The following CHD4 variants were observed in gnomAD, a reference collection of about 807,000 sequenced individuals.
CHD4 encodes ATP-dependent chromatin remodeler CHD4.
Under a neutral mutation model 235.5 loss-of-function variants are expected in CHD4, and 35 were observed. The observed-to-expected ratio is 0.15, with a 90% CI of 0.11 to 0.20. CHD4 has a LOEUF of 0.20. Among genes scored for constraint, CHD4 ranks in the 10% least tolerant of loss-of-function variants. The probability of loss-of-function intolerance (pLI) is 1.00; values close to 1 mark genes in which losing one functional copy is unlikely to be tolerated. For synonymous variants in CHD4, 900 were observed against 850.2 expected, an observed-to-expected ratio of 1.06 and a Z score of -1.02; for missense variants, 1,329 against 2,432.3, an observed-to-expected ratio of 0.55 and a Z score of 9.54.
rs1948216148 is a variant in CHD4, at chr12:6,582,723, C to T, written c.4262G>A (p.Arg1421Gln). 1 of 1,614,034 alleles carries T rather than the reference C, an allele frequency of 6.2e-7. No homozygotes were observed. The highest frequency in any genetic ancestry group is 1.3e-5 in the African/African-American group (1 of 74,920). The change falls in exon 29 of 40, where the codon CGA becomes CAA. Residue 1421 changes from arginine (R) to glutamine (Q), a missense_variant. By Grantham distance (43) the Arg-to-Gln change is conservative. Transcript: ENST00000544040. ...CATAATTGCATTAAGAAAGGCTTTTCGCTGACGAGCATTAAAACCAAGTAC... is the reference window on the plus strand; with the variant it reads ...CATAATTGCATTAAGAAAGGCTTTTTGCTGACGAGCATTAAAACCAAGTAC... ...IEVLGFNARQ[R>Q]KAFLNAIMRY...
intron 37 of CHD4, among the ~76,000 whole-genome samples, chr12:6,575,693 C>T (rs897140111): frequency 1.3e-5 from 2 of 152,132 alleles, no homozygotes; most frequent in African/African-American, 4.8e-5. Context: ...TATCAAAACT[C>T]TGCTCACAAA....
intron 33 of CHD4, among the ~76,000 whole-genome samples, chr12:6,579,788 G>A (rs925443620): frequency 2.7e-5 from 4 of 149,568 alleles, no homozygotes; most frequent in Non-Finnish European, 5.9e-5. Context: ...CAGGCGTGGT[G>A]GCTCACGCCT....
At chr12:6,595,819 G>C in intron 13 of CHD4, among the ~76,000 whole-genome samples, 187 bp downstream of exon 13, 1 of 150,882 alleles carries the variant, frequency 6.6e-6, no homozygotes, top group Middle Eastern at 3.2e-3. Context: ...TCAGCTAGGT[G>C]TGGTGGCGTA....
At chr12:6,606,595 T>A in intron 1 of CHD4, 144 bp from the exon 2 acceptor site, 1 of 426,000 alleles carries the variant, frequency 2.3e-6, no homozygotes, top group East Asian at 4.0e-5. Flanking sequence ...AGTTCCACAC[T>A]CCTCGGGGGC....
In CHD4 at chr12:6,598,211, C is replaced by G; in HGVS notation, c.1686+11G>C. On this transcript the variant is annotated intron_variant, in intron 11 of 39. Coordinates refer to ENST00000544040, the MANE Select transcript of CHD4 (RefSeq NM_001273.5). ...CGTAGCCCCTACATCTCCAGACTAT[C>G]CTAAACTTACCTGCAGTTCAGAAAC... The G allele has an allele frequency of 6.2e-7, 1 of 1,611,522 alleles. No homozygotes were observed. Among genetic ancestry groups the G allele is most frequent in the Non-Finnish European group, 8.5e-7 (1 of 1,178,152 alleles).
intron 25 of CHD4, chr12:6,583,621 G>A (rs868603631): frequency 6.7e-6 from 3 of 445,480 alleles, no homozygotes; most frequent in African/African-American, 4.0e-5. Context: ...TATTATCACA[G>A]GTAAGGATGA....
Position 6,606,471 on chromosome 12 carries a change from G to A in CHD4, c.-78-20C>T, listed in dbSNP as rs1313538009. On this transcript the variant is annotated intron_variant, in intron 1 of 39. Coordinates refer to ENST00000544040, the MANE Select transcript of CHD4 (RefSeq NM_001273.5). ...GAGTCACTGTGCGGGGGAGGGGGGA[G>A]AAACACAGAACAGTCAGTGACGCGC... The A allele has an allele frequency of 1.3e-5, 8 of 635,550 alleles. No individual in the cohort carries two copies. Among genetic ancestry groups the A allele is most frequent in the Admixed American group, 6.9e-5 (2 of 28,826 alleles). 39.4% of individuals were successfully genotyped at this position (635,550 alleles called of 1,614,324 possible).
intron 30 of CHD4, 148 bp downstream of exon 30, chr12:6,581,989 G>A (rs1277731231): frequency 2.7e-5 from 30 of 1,122,210 alleles, no homozygotes; most frequent in Admixed American, 6.4e-5. Context: ...TTTTAGTAGA[G>A]ATGGGGTTTC....
chr12:6,577,952 G>T lies in CHD4; in HGVS notation c.5229-35C>A, dbSNP rs770465075. On this transcript the variant is annotated intron_variant, in intron 36 of 39. Transcript: ENST00000544040. ...AAGTGCTCAGGAAAAACAAAACAAG[G>T]AAAGTAAGAACCTCAAACTAAAAGA... is the stretch of plus-strand genomic sequence containing the variant. 1.9e-6 allele frequency: 3 copies of T among 1,612,610 alleles called. No individual in the cohort carries two copies. In the African/African-American group the frequency reaches 4.0e-5, roughly 22 times the overall value.
intron 4 of CHD4, 25 bp downstream of exon 4, chr12:6,601,935 A>G (rs1235291072): frequency 6.2e-7 from 1 of 1,606,276 alleles, no homozygotes; most frequent in Middle Eastern, 1.7e-4. Flanking sequence ...TAACAGTACA[A>G]AGAAGAGGAT....
intron 33 of CHD4, chr12:6,579,170 C>G: frequency 2.4e-6 from 1 of 414,226 alleles, no homozygotes; most frequent in South Asian, 2.4e-5. Flanking sequence ...CAAAAATTAG[C>G]TGGGTGCGGT....
At chr12:6,594,749 T>A (rs1350769516) in intron 14 of CHD4, 99 bp from the exon 15 acceptor site, 2 of 1,112,288 alleles carry the variant, frequency 1.8e-6, no homozygotes, top group Non-Finnish European at 2.6e-6. Context: ...CGGATCCTCT[T>A]GGGGAAGAGC....
intron 22 of CHD4, among the ~76,000 whole-genome samples, chr12:6,588,991 T>C (rs775743399): frequency 6.6e-6 from 1 of 152,170 alleles, no homozygotes; most frequent in South Asian, 2.1e-4. Flanking sequence ...CTCACACCTG[T>C]AACCCCAACA....
chr12:6,595,090 GACA>G (rs896748615), intron 14 of CHD4, among the ~76,000 whole-genome samples: 3 of 151,484 alleles, frequency 2.0e-5, no homozygotes, highest in African/African-American at 4.8e-5. Context: ...CCTCCCCCCA[GACA>G]ACACTTCTTC....
intron 22 of CHD4, among the ~76,000 whole-genome samples, chr12:6,589,260 G>A (rs1948351611): frequency 6.6e-6 from 1 of 152,184 alleles, no homozygotes; most frequent in Admixed American, 6.5e-5. Context: ...AAGGTCCACT[G>A]ACGAATACTA....
chr12:6,601,643 T>C lies in CHD4; in HGVS notation c.557+5A>G. ...TCCCCCTTCCCCAAACCCCTTCTGT[T>C]TTACCTGACAAACTGGCTGAAGGCC... On this transcript the variant is annotated splice_donor_5th_base_variant and intron_variant, in intron 5 of 39. Coordinates refer to ENST00000544040, the MANE Select transcript of CHD4 (RefSeq NM_001273.5). The C allele has an allele frequency of 6.2e-7, 1 of 1,614,090 alleles. No homozygotes were observed. The highest frequency in any genetic ancestry group is 1.1e-5 in the South Asian group (1 of 91,074).
In CHD4 at chr12:6,594,664, C is replaced by G. The variant is rs960845080; in HGVS notation, c.2122-14G>C. ...CTTCACTGTTGGCTGAAGGATGAAA[C>G]AGAGAAGTCAAGAGCTGGCAAGGAA... On this transcript the variant is annotated splice_polypyrimidine_tract_variant and intron_variant, in intron 14 of 39. Coordinates refer to ENST00000544040, the MANE Select transcript of CHD4 (RefSeq NM_001273.5). The G allele has an allele frequency of 6.8e-6, 11 of 1,607,946 alleles. No individual in the cohort carries two copies. Among genetic ancestry groups the G allele is most frequent in the Middle Eastern group, 3.5e-4 (2 of 5,734 alleles).
chr12:6,589,832 A>C (rs903616213), intron 22 of CHD4, among the ~76,000 whole-genome samples: 4 of 152,150 alleles, frequency 2.6e-5, no homozygotes, highest in African/African-American at 9.7e-5. Context: ...TGTCTAATCT[A>C]ATCAAGAGAA....
In CHD4 at chr12:6,588,025, T is replaced by G. The variant is rs999954514; in HGVS notation, c.3466-76A>C. 1.1e-5 allele frequency: 16 copies of G among 1,462,640 alleles called. No homozygotes were observed. In the Admixed American group the frequency reaches 2.8e-4, roughly 25 times the overall value. The allele number at this position is 1,462,640 out of a possible 1,614,324, so 90.6% of individuals were successfully genotyped here. A position where few individuals can be genotyped will look rare whatever the true frequency, so the allele number is the denominator to read the frequency against. On this transcript the variant is annotated intron_variant, in intron 23 of 39. Coordinates refer to ENST00000544040, the MANE Select transcript of CHD4 (RefSeq NM_001273.5). ...TCTTATCCTGACTTCCACATAATAT[T>G]CTAAATTCAGTACAAGGCAAGGTCC...
Sources: gnomAD v4.1 joint callset for allele counts (sites outside exome capture counted in the v4.1 genomes callset) on GRCh38, gnomAD v4.1.1 for gene constraint, MANE v1.5 for transcripts, NCBI Gene and HGNC (gene_info 2026-07-23, HGNC 2026-07-21) for gene names.